Variants in WDR74 observed in about 807,000 individuals in gnomAD.
WDR74 encodes WD repeat-containing protein 74.
A neutral mutation model predicts 45.6 loss-of-function variants in WDR74; 31 were observed. The observed-to-expected ratio is 0.68, with a 90% CI of 0.51 to 0.92. The LOEUF is 0.92. Ranked by LOEUF, WDR74 falls within the 40% of genes least tolerant of loss-of-function variation. The pLI is 0.00. For missense variants in WDR74, 455 were observed against 497.2 expected (o/e 0.92, Z 0.81); for synonymous variants, 191 against 192.4 (o/e 0.99, Z 0.06).
chr11:62,840,674 GATTT>G (rs200846737), upstream of WDR74, among the ~76,000 whole-genome samples: 595 of 152,274 alleles, frequency 3.9e-3, 2 homozygotes, highest in African/African-American at 0.013. Context: ...CTAACGCGAA[GATTT>G]ATTTATTTTT....
At chr11:62,841,300 G>A (rs187149317), upstream of WDR74, among the ~76,000 whole-genome samples, 11 of 152,252 alleles carry the variant, frequency 7.2e-5, no homozygotes, top group East Asian at 1.7e-3. Flanking sequence ...CTGGGCGACA[G>A]AGCAAGACGA....
chr11:62,833,732 A>T (rs752540268), intron 9 of WDR74, 58 bp from the exon 10 acceptor site: 137 of 1,595,972 alleles, frequency 8.6e-5, no homozygotes, highest in Non-Finnish European at 1.1e-4. Context: ...ACATGAACGG[A>T]GGGCACAGGA....
chr11:62,834,102 A>T, intron 8 of WDR74, 165 bp from the exon 9 acceptor site: 1 of 1,394,932 alleles, frequency 7.2e-7, no homozygotes, highest in East Asian at 2.3e-5. Context: ...ACTAAGGCAC[A>T]GGGAGTTGAA....
intron 8 of WDR74, 121 bp from the exon 9 acceptor site, chr11:62,834,058 C>T: frequency 6.8e-7 from 1 of 1,467,752 alleles, no homozygotes; most frequent in South Asian, 1.3e-5. Flanking sequence ...GAGACTGGAG[C>T]TTCTACTAAT....
chr11:62,835,844 G>A lies in WDR74; in HGVS notation c.370-3C>T, dbSNP rs760777558. The A allele has an allele frequency of 6.8e-6, 11 of 1,608,554 alleles. No individual in the cohort carries two copies. The South Asian group carries it at 1.0e-4, about 15-fold the overall frequency. The stretch of plus-strand genomic sequence containing the variant: ...GGGCCCACTCTCAGTTCCAGGAGCT[G>A]TAAAGAATAGGAGATAAGAGTCCGT... On this transcript the variant is annotated splice_polypyrimidine_tract_variant and splice_region_variant and intron_variant, in intron 4 of 10. Transcript: ENST00000278856.
rs267603081 is a variant in WDR74 at position 62,835,431 on chromosome 11, C to T, written c.618G>A (p.Gln206=). ...QKLVTCTGYH[Q]VRVYDPASPQ... ...AGGCAGGTGTGAGGTGACACCTTACCTGGTGGTACCCTGTGCAGGTGACAA... is the reference window on the plus strand; with the variant it reads ...AGGCAGGTGTGAGGTGACACCTTACTTGGTGGTACCCTGTGCAGGTGACAA... Residue 206 remains glutamine (Q), a splice_region_variant and synonymous_variant, in exon 6 of 11, where the codon CAG becomes CAA. Transcript: ENST00000278856. 2 of 1,613,864 alleles carry T rather than the reference C, an allele frequency of 1.2e-6. No homozygotes were observed. The highest frequency in any genetic ancestry group is 8.5e-7 in the Non-Finnish European group (1 of 1,179,802).
chr11:62,839,064 C>T (rs1401992338), intron 3 of WDR74, 50 bp downstream of exon 3: 1 of 1,607,224 alleles, frequency 6.2e-7, no homozygotes, highest in East Asian at 2.2e-5. Context: ...CCTCAGGGAG[C>T]ATCAACGCTC....
chr11:62,838,486 C>G (rs2134895111), intron 3 of WDR74, among the ~76,000 whole-genome samples: 1 of 151,914 alleles, frequency 6.6e-6, no homozygotes, highest in South Asian at 2.1e-4. Context: ...CAAGCAGGCA[C>G]AGTGGCTCAC....
chr11:62,833,668 G>A lies in WDR74; in HGVS notation c.928C>T (p.Leu310Phe). The change falls in exon 10 of 11, where the codon CTC becomes TTC. Residue 310 changes from leucine to phenylalanine, a missense_variant. Coordinates refer to ENST00000278856, the MANE Select transcript of WDR74 (RefSeq NM_001369450.1). ...AGGAGGCAGTTCAATTGAGACTTGA[G>A]ATAAACCTGCAAAAGATGAGGGACC... Reference protein sequence around the residue: ...NPRGLEHKVYLKSQLNCLLLS... With the variant: ...NPRGLEHKVYFKSQLNCLLLS... 6.4e-7 allele frequency: 1 copy of A among 1,556,238 alleles called. No homozygotes were observed. The highest frequency in any genetic ancestry group is 8.7e-7 in the Non-Finnish European group (1 of 1,149,498).
chr11:62,836,185 G>C, intron 3 of WDR74, 149 bp from the exon 4 acceptor site: 1 of 782,450 alleles, frequency 1.3e-6, no homozygotes, highest in Non-Finnish European at 2.1e-6. Flanking sequence ...ATATCAACCA[G>C]ATTCCCTACT....
At chr11:62,841,611 C>CA (rs1040042802), upstream of WDR74, 22 of 152,290 alleles carry the variant, frequency 1.4e-4, no homozygotes, top group African/African-American at 3.6e-4. Context: ...GTTGTTCTCT[C>CA]CCCGAAGGGA....
At chr11:62,841,566 T>G (rs188260596), upstream of WDR74, 2 of 152,158 alleles carry the variant, frequency 1.3e-5, no homozygotes, top group Non-Finnish European at 2.9e-5. Context: ...ATTTAGCTTG[T>G]ACCCTAACTG....
At chr11:62,838,732 T>C (rs1300591343) in intron 3 of WDR74, among the ~76,000 whole-genome samples, 1 of 146,022 alleles carries the variant, frequency 6.8e-6, no homozygotes, top group Non-Finnish European at 1.5e-5. Context: ...CACTCCAGCC[T>C]GGGCAACAAG....
At chr11:62,835,920 C>A in intron 4 of WDR74, 41 bp downstream of exon 4, 3 of 1,583,856 alleles carry the variant, frequency 1.9e-6, no homozygotes, top group Non-Finnish European at 2.6e-6. Context: ...GGCACCTACC[C>A]CAGCCCACCT....
intron 3 of WDR74, among the ~76,000 whole-genome samples, chr11:62,838,673 G>C (rs28502389): frequency 6.6e-6 from 1 of 151,254 alleles, no homozygotes; most frequent in Non-Finnish European, 1.5e-5. Flanking sequence ...CAGGAGTATC[G>C]CTTGAACCCG....
intron 9 of WDR74, 31 bp downstream of exon 9, chr11:62,833,761 C>A (rs371307694): frequency 6.2e-7 from 1 of 1,610,398 alleles, no homozygotes; most frequent in Admixed American, 1.7e-5. Flanking sequence ...CTCCACAAGA[C>A]CATGAGTTGG....
At chr11:62,840,793 TAGTC>T (rs1044090449), upstream of WDR74, among the ~76,000 whole-genome samples, 106 of 152,320 alleles carry the variant, frequency 7.0e-4, no homozygotes, top group African/African-American at 2.4e-3. Flanking sequence ...CACACCATGT[TAGTC>T]AGGCTGGAAT....
intron 3 of WDR74, among the ~76,000 whole-genome samples, chr11:62,838,760 CAAAAAA>C (rs112966057): frequency 1.0e-5 from 1 of 99,590 alleles, no homozygotes; most frequent in African/African-American, 3.2e-5. Context: ...ACTCCGTCTC[CAAAAAA>C]AAAAAAAACA....
upstream of WDR74, chr11:62,839,746 A>C (rs554636033): frequency 3.0e-5 from 23 of 757,164 alleles, no homozygotes; most frequent in South Asian, 4.2e-4. Context: ...GTTTATGTAG[A>C]TCGGAAGAAT....
Sources: allele counts gnomAD v4.1 joint callset (sites outside exome capture counted in the v4.1 genomes callset), GRCh38; gene constraint gnomAD v4.1.1; transcripts MANE v1.5; gene names NCBI Gene and HGNC (gene_info 2026-07-23, HGNC 2026-07-21).